Variants in ABCC4 observed in about 807,000 individuals in gnomAD.
ABCC4 encodes ATP binding cassette subfamily C member 4 (PEL blood group).
ABCC4 carries 102 observed loss-of-function variants against 168.5 expected under a neutral mutation model. That is an observed-to-expected ratio of 0.61 (90% confidence interval 0.52 to 0.71). ABCC4 has a LOEUF of 0.71. Among genes scored for constraint, ABCC4 ranks in the 30% least tolerant of loss-of-function variants. The probability of loss-of-function intolerance (pLI) is 0.00; values close to 1 mark genes in which losing one functional copy is unlikely to be tolerated. For synonymous variants in ABCC4, 617 were observed against 590.7 expected, an observed-to-expected ratio of 1.04 and a Z score of -0.65; for missense variants, 1,402 against 1,605.8, an observed-to-expected ratio of 0.87 and a Z score of 2.17.
At chr13:95,298,371 A>G (rs1007236022) in intron 1 of ABCC4, among the ~76,000 whole-genome samples, 1 of 152,206 alleles carries the variant, frequency 6.6e-6, no homozygotes, top group Non-Finnish European at 1.5e-5. Context: ...TAATACTCCA[A>G]TGAAAGGAGT....
chr13:95,182,463 A>G (rs1166404727), intron 11 of ABCC4, among the ~76,000 whole-genome samples: 1 of 152,246 alleles, frequency 6.6e-6, no homozygotes, highest in Non-Finnish European at 1.5e-5. Flanking sequence ...TCTCTTATTT[A>G]CTGTACTATG....
At chr13:95,263,063 C>T (rs1264404574) in intron 1 of ABCC4, among the ~76,000 whole-genome samples, 2 of 152,150 alleles carry the variant, frequency 1.3e-5, no homozygotes, top group Non-Finnish European at 2.9e-5. Context: ...TGGCCCCAAG[C>T]ATCATGCTCA....
chr13:95,124,686 T>C (rs1382567152), intron 19 of ABCC4, among the ~76,000 whole-genome samples: 1 of 112,688 alleles, frequency 8.9e-6, no homozygotes, highest in Non-Finnish European at 1.7e-5. Context: ...CTGGCCAACA[T>C]GGTGAAACCC....
intron 19 of ABCC4, among the ~76,000 whole-genome samples, chr13:95,129,956 T>C (rs533915467): frequency 3.0e-4 from 45 of 151,816 alleles, no homozygotes; most frequent in African/African-American, 1.1e-3. Context: ...ACGCCAATAA[T>C]CCCAGCTACT....
chr13:95,043,273 C>T (rs1014035549), intron 29 of ABCC4: 6 of 158,870 alleles, frequency 3.8e-5, no homozygotes, highest in Non-Finnish European at 6.9e-5. Context: ...AGAAGTTCTG[C>T]AACCTTACCC....
chr13:95,269,789 C>A (rs1159246681), intron 1 of ABCC4, among the ~76,000 whole-genome samples: 1 of 152,078 alleles, frequency 6.6e-6, no homozygotes, highest in East Asian at 1.9e-4. Context: ...CCTACAGATA[C>A]ATCTGAAAAT....
At chr13:95,172,607 C>T (rs1042307544) in intron 13 of ABCC4, among the ~76,000 whole-genome samples, 5 of 149,764 alleles carry the variant, frequency 3.3e-5, no homozygotes, top group African/African-American at 1.2e-4. Context: ...TAAGAGCTGA[C>T]ACATACAATG....
At position 95,117,093 on chromosome 13, in the gene ABCC4, T is replaced by C. The variant is rs1217659804; in HGVS notation, c.2456-1092A>G. On this transcript the variant is annotated intron_variant, in intron 19 of 30. Coordinates refer to ENST00000645237, the MANE Select transcript of ABCC4 (RefSeq NM_005845.5). ...GGCCAAGAAGCACAGTGTGTACAAG[T>C]TGGAGCTGCACCTCAATTTTCTTGT... 2.6e-5 allele frequency among the ~76,000 whole-genome samples: 4 copies of C among 152,116 alleles called. No individual in the cohort carries two copies. In the East Asian group the frequency reaches 7.7e-4, roughly 29 times the overall value.
chr13:95,172,965 C>G (rs778070005), intron 13 of ABCC4, among the ~76,000 whole-genome samples: 5 of 152,126 alleles, frequency 3.3e-5, no homozygotes, highest in African/African-American at 1.2e-4. Context: ...CAGATACAGT[C>G]ACTACCTTCA....
At chr13:95,186,562 C>T (rs1044901883) in intron 11 of ABCC4, 139 bp downstream of exon 11, 1 of 668,932 alleles carries the variant, frequency 1.5e-6, no homozygotes, top group Admixed American at 3.4e-5. Context: ...TGTTTATTTA[C>T]TGGGAGGACC....
At chr13:95,254,509 C>T (rs191839110) in intron 1 of ABCC4, among the ~76,000 whole-genome samples, 54 of 152,260 alleles carry the variant, frequency 3.5e-4, no homozygotes, top group Middle Eastern at 3.4e-3. Context: ...AACACCTTTT[C>T]ATCCCACAAA....
chr13:95,232,825 A>G (rs1357354521), intron 4 of ABCC4, among the ~76,000 whole-genome samples: 1 of 152,224 alleles, frequency 6.6e-6, no homozygotes, highest in Non-Finnish European at 1.5e-5. Flanking sequence ...CACTCCTTCT[A>G]TAACAGTTAA....
At chr13:95,029,249 GAGAGAA>G (rs1257899774) in intron 30 of ABCC4, among the ~76,000 whole-genome samples, 55 of 5,026 alleles carry the variant, frequency 0.011, 3 homozygotes, top group Non-Finnish European at 0.018. Context: ...GAGAGAGAGA[GAGAGAA>G]AGAGAGAGAG....
intron 1 of ABCC4, among the ~76,000 whole-genome samples, chr13:95,281,216 A>T (rs2041115239): frequency 6.7e-6 from 1 of 148,534 alleles, no homozygotes; most frequent in South Asian, 2.2e-4. Flanking sequence ...AGGCTGAGGC[A>T]GGGGAATCAC....
intron 21 of ABCC4, among the ~76,000 whole-genome samples, chr13:95,076,803 G>A (rs531700006): frequency 1.3e-5 from 2 of 152,118 alleles, no homozygotes; most frequent in East Asian, 1.9e-4. Context: ...CTCTGTCACC[G>A]AGGCTGGGTG....
chr13:95,245,136 A>T (rs1046018748), intron 3 of ABCC4, among the ~76,000 whole-genome samples: 2 of 151,906 alleles, frequency 1.3e-5, no homozygotes, highest in African/African-American at 4.8e-5. Context: ...TGGGTTAGAG[A>T]CCCCACCCCA....
At chr13:95,079,238 A>G (rs1624638) in intron 21 of ABCC4, among the ~76,000 whole-genome samples, 88,578 of 151,388 alleles carry the variant, frequency 0.59, 27,004 homozygotes, top group South Asian at 0.75. Flanking sequence ...ACAACCTGCC[A>G]TTTGACAAGA....
At chr13:95,268,084 A>G (rs1263701309) in intron 1 of ABCC4, among the ~76,000 whole-genome samples, 1 of 152,190 alleles carries the variant, frequency 6.6e-6, no homozygotes, top group African/African-American at 2.4e-5. Flanking sequence ...AAGACCTAAG[A>G]GACTCCAATT....
intron 1 of ABCC4, among the ~76,000 whole-genome samples, chr13:95,294,344 C>G (rs559896530): frequency 6.6e-6 from 1 of 152,144 alleles, no homozygotes; most frequent in East Asian, 1.9e-4. Flanking sequence ...GCCTGCAAGA[C>G]AGAGATAGAC....
Sources: gnomAD v4.1 joint callset for allele counts (sites outside exome capture counted in the v4.1 genomes callset) on GRCh38, gnomAD v4.1.1 for gene constraint, MANE v1.5 for transcripts, NCBI Gene and HGNC (gene_info 2026-07-23, HGNC 2026-07-21) for gene names.